The following CTNND2 variants were observed in gnomAD, a reference collection of about 807,000 sequenced individuals.
CTNND2 encodes catenin delta-2.
In CTNND2, 22 loss-of-function variants were observed where a neutral mutation model predicts 144.4. The observed-to-expected ratio is 0.15, with a 90% CI of 0.11 to 0.22. CTNND2 has a LOEUF of 0.22. Ranked by LOEUF, CTNND2 falls within the 10% of genes least tolerant of loss-of-function variation. The pLI is 1.00. For missense variants in CTNND2, 1,353 were observed against 1,618.8 expected, an observed-to-expected ratio of 0.84 and a Z score of 2.82; for synonymous variants, 751 against 695.6, an observed-to-expected ratio of 1.08 and a Z score of -1.25.
At chr5:11,837,971 T>G (rs565905388) in intron 1 of CTNND2, among the ~76,000 whole-genome samples, 1 of 152,198 alleles carries the variant, frequency 6.6e-6, no homozygotes, top group African/African-American at 2.4e-5. Flanking sequence ...CATGACTCCA[T>G]GACAAGCTCT....
chr5:11,623,840 A>C (rs1165833163), intron 2 of CTNND2, among the ~76,000 whole-genome samples: 1 of 130,728 alleles, frequency 7.6e-6, no homozygotes, highest in Non-Finnish European at 1.6e-5. Flanking sequence ...ATATATATAT[A>C]TATATATATA....
intron 1 of CTNND2, among the ~76,000 whole-genome samples, chr5:11,873,395 C>T (rs1735311679): frequency 6.6e-6 from 1 of 152,170 alleles, no homozygotes; most frequent in African/African-American, 2.4e-5. Flanking sequence ...GGTTAAAGTA[C>T]AGCAGATCTG....
At chr5:11,627,081 A>G (rs1581630206) in intron 2 of CTNND2, among the ~76,000 whole-genome samples, 3 of 152,192 alleles carry the variant, frequency 2.0e-5, no homozygotes, top group Admixed American at 2.0e-4. Flanking sequence ...ACTATGCTCC[A>G]AAATTGGGTC....
chr5:11,517,752 C>T (rs767684548), intron 3 of CTNND2, among the ~76,000 whole-genome samples: 5 of 151,518 alleles, frequency 3.3e-5, no homozygotes, highest in Non-Finnish European at 7.4e-5. Context: ...AACAAACCTG[C>T]ACATTCTGCC....
chr5:11,082,584 A>G (rs1580232512), intron 16 of CTNND2, 112 bp downstream of exon 16: 1 of 1,257,508 alleles, frequency 8.0e-7, no homozygotes. Flanking sequence ...CTGCTAATAA[A>G]TGCACGGCTT....
At chr5:11,601,272 C>G (rs533279249) in intron 2 of CTNND2, among the ~76,000 whole-genome samples, 1 of 152,224 alleles carries the variant, frequency 6.6e-6, no homozygotes, top group South Asian at 2.1e-4. Flanking sequence ...ATTATTTTCA[C>G]TTTTTTTCTC....
intron 9 of CTNND2, among the ~76,000 whole-genome samples, chr5:11,269,623 G>T (rs1456896104): frequency 6.6e-6 from 1 of 152,092 alleles, no homozygotes; most frequent in African/African-American, 2.4e-5. Flanking sequence ...AGTGCTTCTG[G>T]CTCCACAAAG....
intron 8 of CTNND2, among the ~76,000 whole-genome samples, chr5:11,353,818 C>T (rs1432718712): frequency 6.6e-6 from 1 of 150,442 alleles, no homozygotes; most frequent in South Asian, 2.1e-4. Context: ...AAAAAAAAAA[C>T]ATTGTATTAT....
intron 3 of CTNND2, among the ~76,000 whole-genome samples, chr5:11,534,399 T>A (rs2150059588): frequency 6.6e-6 from 1 of 152,126 alleles, no homozygotes; most frequent in East Asian, 1.9e-4. Context: ...ACAGATCACC[T>A]GAGGTCAGGA....
intron 16 of CTNND2, among the ~76,000 whole-genome samples, chr5:11,060,822 T>C (rs1261234675): frequency 6.6e-6 from 1 of 152,226 alleles, no homozygotes; most frequent in Non-Finnish European, 1.5e-5. Context: ...TGAAGACAAT[T>C]ATGTAAGAAA....
At chr5:11,482,333 C>T (rs1435397728) in intron 3 of CTNND2, among the ~76,000 whole-genome samples, 1 of 152,126 alleles carries the variant, frequency 6.6e-6, no homozygotes, top group Non-Finnish European at 1.5e-5. Flanking sequence ...ACCACCTACA[C>T]ATACAAAATG....
chr5:11,418,341 G>A (rs1762078702), intron 3 of CTNND2, among the ~76,000 whole-genome samples: 1 of 152,138 alleles, frequency 6.6e-6, no homozygotes, highest in South Asian at 2.1e-4. Context: ...AGGAGGCAGA[G>A]GTTGCGGTGA....
chr5:11,811,603 C>CTTAAGT (rs1792338793), intron 1 of CTNND2, among the ~76,000 whole-genome samples: 1 of 152,062 alleles, frequency 6.6e-6, no homozygotes, highest in Non-Finnish European at 1.5e-5. Context: ...CCAATGGATG[C>CTTAAGT]CCTAGTTTTA....
chr5:11,188,809 C>T (rs1735938734), intron 11 of CTNND2, among the ~76,000 whole-genome samples: 1 of 152,132 alleles, frequency 6.6e-6, no homozygotes, highest in Non-Finnish European at 1.5e-5. Context: ...CCTTGGAACA[C>T]TTAACTCCAG....
chr5:11,182,018 G>A (rs1489143300), intron 11 of CTNND2, among the ~76,000 whole-genome samples: 10 of 44,664 alleles, frequency 2.2e-4, no homozygotes, highest in Non-Finnish European at 3.9e-4. Context: ...GGTGTGTGTG[G>A]CGTGTGTGAT....
chr5:11,259,115 C>CCTTG (rs1434069518), intron 9 of CTNND2, among the ~76,000 whole-genome samples: 5 of 152,132 alleles, frequency 3.3e-5, no homozygotes, highest in Non-Finnish European at 7.4e-5. Flanking sequence ...TATGGGTGAG[C>CCTTG]CTTGTACCAT....
At position 11,109,534 on chromosome 5, in the gene CTNND2, A is replaced by G. The variant is rs578051408; in HGVS notation, c.2463+1324T>C. Among the ~76,000 whole-genome samples the G allele has an allele frequency of 4.6e-5, 7 of 152,086 alleles. No homozygotes were observed. The South Asian group carries it at 1.2e-3, about 27-fold the overall frequency. On this transcript the variant is annotated intron_variant, in intron 14 of 21. Coordinates refer to ENST00000304623, the MANE Select transcript of CTNND2 (RefSeq NM_001332.4). ...AAAAAGTTCTAGAGGCCATCATTAA[A>G]CCAATTATTATTTGTATCACTTTTA... is the stretch of plus-strand genomic sequence containing the variant.
intron 21 of CTNND2, among the ~76,000 whole-genome samples, chr5:10,974,756 A>G (rs1333929279): frequency 6.6e-6 from 1 of 152,232 alleles, no homozygotes; most frequent in African/African-American, 2.4e-5. Context: ...TAATTTAACT[A>G]AAGTTCAGCA....
intron 1 of CTNND2, among the ~76,000 whole-genome samples, chr5:11,741,268 C>T (rs200275634): frequency 6.6e-5 from 10 of 152,190 alleles, no homozygotes; most frequent in African/African-American, 2.2e-4. Context: ...CACATGCACA[C>T]GTATGTTTAC....
Sources: gnomAD v4.1 joint callset for allele counts (sites outside exome capture counted in the v4.1 genomes callset) on GRCh38, gnomAD v4.1.1 for gene constraint, MANE v1.5 for transcripts, NCBI Gene and HGNC (gene_info 2026-07-23, HGNC 2026-07-21) for gene names.